CDH13: variants seen among roughly 807,000 people sequenced by gnomAD.
The protein encoded by CDH13 is cadherin 13, also known as cadherin-13.
Under a neutral mutation model 63.8 loss-of-function variants are expected in CDH13, and 24 were observed. The ratio of observed to expected loss-of-function variants is 0.38; its 90% CI spans 0.27 to 0.53. The LOEUF (loss-of-function observed/expected upper bound fraction) is 0.53, where lower values mean the gene tolerates loss of function less well. CDH13 is among the 20% of genes least tolerant of loss of function. The pLI, the probability that CDH13 is intolerant of heterozygous loss-of-function variation, is 0.85. For missense variants in CDH13, 1,049 were observed against 903.1 expected, an observed-to-expected ratio of 1.16 and a Z score of -2.07; for synonymous variants, 503 against 355.3, an observed-to-expected ratio of 1.42 and a Z score of -4.67.
rs543227932 is a variant in CDH13 at position 83,083,284 on chromosome 16, C to T, written c.367-42101C>T. On this transcript the variant is annotated intron_variant, in intron 3 of 13. Transcript: ENST00000567109. The stretch of plus-strand genomic sequence containing the variant: ...TTATGTGTAGTCACTGTGTGTCCAC[C>T]TGTTTCAGTAAAGCATTAGGACAAT... 3.3e-5 allele frequency among the ~76,000 whole-genome samples: 5 copies of T among 152,112 alleles called. No homozygotes were observed. The East Asian group carries it at 9.7e-4, about 29-fold the overall frequency.
intron 12 of CDH13, 38 bp downstream of exon 12, chr16:83,780,239 C>T (rs150023731): frequency 1.5e-6 from 2 of 1,346,414 alleles, no homozygotes; most frequent in Admixed American, 2.0e-5. Flanking sequence ...ATTCTTCCAG[C>T]TTTCAGTTTA....
intron 6 of CDH13, among the ~76,000 whole-genome samples, chr16:83,437,889 C>G (rs1289371501): frequency 6.6e-6 from 1 of 152,096 alleles, no homozygotes; most frequent in Non-Finnish European, 1.5e-5. Context: ...CCATGTCACT[C>G]CAAGATGGCC....
chr16:82,769,422 T>C (rs1470666938), intron 1 of CDH13, among the ~76,000 whole-genome samples: 2 of 151,974 alleles, frequency 1.3e-5, no homozygotes, highest in Non-Finnish European at 2.9e-5. Context: ...TGTTAGAAAA[T>C]GGGGTATTAA....
chr16:83,756,475 A>G lies in CDH13; in HGVS notation c.1681+8225A>G, dbSNP rs543127696. 3.2e-4 allele frequency among the ~76,000 whole-genome samples: 49 copies of G among 152,382 alleles called. 1 individual carries two copies. The highest frequency in any genetic ancestry group is 6.8e-3 in the Middle Eastern group (2 of 294). On this transcript the variant is annotated intron_variant, in intron 11 of 13. Coordinates refer to ENST00000567109, the MANE Select transcript of CDH13 (RefSeq NM_001257.5). ...TTGTCCAACCCACAGCCTGTGGGCC[A>G]TATGTGGCCCAGAATGGCTTTGAAT...
chr16:82,898,973 C>G (rs750351927), intron 2 of CDH13, among the ~76,000 whole-genome samples: 8 of 152,226 alleles, frequency 5.3e-5, no homozygotes, highest in Non-Finnish European at 1.0e-4. Flanking sequence ...TGAGGCAGCT[C>G]TCTGCAGCTG....
intron 2 of CDH13, among the ~76,000 whole-genome samples, chr16:82,944,384 A>G (rs1904463133): frequency 6.6e-6 from 1 of 152,162 alleles, no homozygotes; most frequent in African/African-American, 2.4e-5. Context: ...CCTTTATGGG[A>G]TTGTTGATCT....
At chr16:83,209,549 C>A (rs982315952) in intron 4 of CDH13, among the ~76,000 whole-genome samples, 17 of 152,152 alleles carry the variant, frequency 1.1e-4, no homozygotes, top group African/African-American at 4.1e-4. Flanking sequence ...GTTTGTATGA[C>A]AGACCTTATT....
At chr16:82,964,617 A>G (rs575625533) in intron 2 of CDH13, among the ~76,000 whole-genome samples, 1 of 152,254 alleles carries the variant, frequency 6.6e-6, no homozygotes, top group African/African-American at 2.4e-5. Flanking sequence ...TAAAAGAAAG[A>G]AACCAACTTA....
At chr16:83,686,937 G>A (rs548359087) in intron 10 of CDH13, among the ~76,000 whole-genome samples, 77 of 152,272 alleles carry the variant, frequency 5.1e-4, no homozygotes, top group Admixed American at 1.9e-3. Context: ...GACCGAATGC[G>A]GTGGCTCATG....
intron 11 of CDH13, chr16:83,773,013 A>T (rs1021269602): frequency 1.3e-5 from 2 of 152,250 alleles, no homozygotes; most frequent in Non-Finnish European, 2.9e-5. Context: ...GTACTGGAAG[A>T]TGTTTGTGGG....
At chr16:83,779,046 G>T (rs1333646645) in intron 11 of CDH13, among the ~76,000 whole-genome samples, 1 of 152,180 alleles carries the variant, frequency 6.6e-6, no homozygotes, top group African/African-American at 2.4e-5. Context: ...GTGTGAGAAT[G>T]ACTTTTTAGT....
intron 1 of CDH13, among the ~76,000 whole-genome samples, chr16:82,773,034 C>T (rs529215229): frequency 1.2e-4 from 19 of 152,268 alleles, no homozygotes; most frequent in South Asian, 2.1e-4. Context: ...GCTGGGCCTC[C>T]TGGTGTGGAA....
chr16:83,348,611 T>C (rs1181419984), intron 6 of CDH13, among the ~76,000 whole-genome samples: 1 of 152,240 alleles, frequency 6.6e-6, no homozygotes, highest in Non-Finnish European at 1.5e-5. Context: ...ATTTTCATTT[T>C]ACACTGAGCG....
At chr16:83,570,549 T>A (rs997543251) in intron 7 of CDH13, among the ~76,000 whole-genome samples, 1 of 151,952 alleles carries the variant, frequency 6.6e-6, no homozygotes, top group African/African-American at 2.4e-5. Context: ...CTCGCTGCTT[T>A]ACTGGGCTGC....
At chr16:82,885,466 C>CCCATCCAT (rs58100947) in intron 2 of CDH13, among the ~76,000 whole-genome samples, 1 of 129,224 alleles carries the variant, frequency 7.7e-6, no homozygotes, top group East Asian at 2.4e-4. Context: ...CATCCACCTA[C>CCCATCCAT]CCATCCATCC....
At chr16:83,325,364 T>C (rs2090337162) in intron 5 of CDH13, among the ~76,000 whole-genome samples, 1 of 152,210 alleles carries the variant, frequency 6.6e-6, no homozygotes, top group Admixed American at 6.5e-5. Flanking sequence ...GTTTGAAATC[T>C]AGATGAAGAT....
At chr16:82,878,879 C>T (rs1206137514) in intron 2 of CDH13, among the ~76,000 whole-genome samples, 1 of 152,126 alleles carries the variant, frequency 6.6e-6, no homozygotes, top group Non-Finnish European at 1.5e-5. Flanking sequence ...TTTTACTGAG[C>T]ATTTTCAAAG....
intron 1 of CDH13, among the ~76,000 whole-genome samples, chr16:82,701,932 G>A: frequency 6.6e-6 from 1 of 152,130 alleles, no homozygotes; most frequent in Non-Finnish European, 1.5e-5. Context: ...CAGGATGGGT[G>A]GGTGCAGTTT....
chr16:83,040,397 A>C (rs1301662190), intron 3 of CDH13, among the ~76,000 whole-genome samples: 1 of 152,180 alleles, frequency 6.6e-6, no homozygotes, highest in African/African-American at 2.4e-5. Context: ...CTGAGTCACA[A>C]AACCTCAAAA....
Sources: allele counts gnomAD v4.1 joint callset (sites outside exome capture counted in the v4.1 genomes callset), GRCh38; gene constraint gnomAD v4.1.1; transcripts MANE v1.5; gene names NCBI Gene and HGNC (gene_info 2026-07-23, HGNC 2026-07-21).